EEF1AKMT2: variants seen among roughly 807,000 people sequenced by gnomAD.
EEF1AKMT2 encodes the protein EEF1A lysine methyltransferase 2, also known as eukaryotic translation elongation factor 1 alpha lysine methyltransferase 2.
In EEF1AKMT2, 32 loss-of-function variants were observed where a neutral mutation model predicts 35.8. The observed-to-expected ratio is 0.89, with a 90% CI of 0.67 to 1.20. The LOEUF is 1.20. EEF1AKMT2 is among the 50% of genes most tolerant of loss of function. EEF1AKMT2 has a pLI of 0.00. For synonymous variants in EEF1AKMT2, 121 were observed against 133.7 expected (o/e 0.91, Z 0.65); for missense variants, 330 against 347.5 (o/e 0.95, Z 0.40).
chr10:124,760,587 A>G, intron 6 of EEF1AKMT2, 84 bp from the exon 7 acceptor site: 1 of 994,016 alleles, frequency 1.0e-6, no homozygotes, highest in Non-Finnish European at 1.5e-6. Flanking sequence ...ACACTGTACC[A>G]TTGAACCCTT....
In EEF1AKMT2 at chr10:124,789,135, G is replaced by C. The variant is rs1467188684; in HGVS notation, c.199C>G (p.Arg67Gly). ...EIWFGEESMN[R>G]LIRWMQKHKI... ...TGTTTCTGCATCCACCTTATTAGTC[G>C]ATTCATACTCTCTTCTCCAAACCTG... Residue 67 changes from arginine (R) to glycine (G), a missense_variant, in exon 3 of 7, where the codon CGA (arginine) becomes GGA (glycine). By Grantham distance (125) the Arg-to-Gly change is moderately radical. Coordinates refer to ENST00000368836, the MANE Select transcript of EEF1AKMT2 (RefSeq NM_212554.4). 1 of 1,612,520 alleles carries C rather than the reference G, an allele frequency of 6.2e-7. No homozygotes were observed. Among genetic ancestry groups the C allele is most frequent in the African/African-American group, 1.3e-5 (1 of 74,970 alleles).
At chr10:124,781,671 C>T (rs1208347360) in intron 3 of EEF1AKMT2, among the ~76,000 whole-genome samples, 1 of 138,966 alleles carries the variant, frequency 7.2e-6, no homozygotes, top group Non-Finnish European at 1.6e-5. Flanking sequence ...AAGCTATTCT[C>T]AGGTAAAGGA....
chr10:124,781,407 C>T (rs967397979), intron 3 of EEF1AKMT2, among the ~76,000 whole-genome samples: 6 of 151,228 alleles, frequency 4.0e-5, no homozygotes, highest in African/African-American at 1.2e-4. Flanking sequence ...GGTGAAACCC[C>T]ATCTCTACTA....
intron 3 of EEF1AKMT2, among the ~76,000 whole-genome samples, chr10:124,784,925 C>A: frequency 8.4e-6 from 1 of 119,510 alleles, no homozygotes; most frequent in Admixed American, 9.6e-5. Context: ...AGCAAGATTC[C>A]ATCTTAAAAA....
At position 124,790,325 on chromosome 10, in the gene EEF1AKMT2, A is replaced by G. The variant is rs1309391128; in HGVS notation, c.124T>C (p.Tyr42His). 2.5e-6 allele frequency: 4 copies of G among 1,610,966 alleles called. No homozygotes were observed. The South Asian group carries it at 3.3e-5, about 13-fold the overall frequency. Residue 42 changes from tyrosine (Y) to histidine (H), a missense_variant, in exon 2 of 7, where the codon TAT becomes CAT. Tyr to His is a moderately conservative substitution (Grantham distance 83). Coordinates refer to ENST00000368836, the MANE Select transcript of EEF1AKMT2 (RefSeq NM_212554.4). ...CGGAAAGTTTGCAGTTCTCTCTCAT[A>G]GACAGCATCCCAACTATGTAAACAA... The part of the protein sequence containing the change: ...LGTREHWDAV[Y>H]ERELQTFREY...
At chr10:124,781,016 G>A in intron 3 of EEF1AKMT2, among the ~76,000 whole-genome samples, 1 of 151,860 alleles carries the variant, frequency 6.6e-6, no homozygotes, top group East Asian at 2.0e-4. Context: ...CGCGATCTTG[G>A]CTCACTGCAA....
At chr10:124,789,201 A>G in intron 2 of EEF1AKMT2, 44 bp from the exon 3 acceptor site, 1 of 1,283,426 alleles carries the variant, frequency 7.8e-7, no homozygotes, top group East Asian at 2.3e-5. Flanking sequence ...TACAGAGCAA[A>G]AGTCACCACT....
chr10:124,774,374 CAAAAAAAAAAAAAAAA>C lies in EEF1AKMT2; in HGVS notation c.399+285_399+300del, dbSNP rs57130146. ...TGGGCAACTGAGCGAGACTCAGTCT[CAAAAAAAAAAAAAAAA>C]AAAAAAAAAAAAAAAAAAAACCCTT... is the stretch of plus-strand genomic sequence containing the variant. On this transcript the variant is annotated intron_variant, in intron 4 of 6. Coordinates refer to ENST00000368836, the MANE Select transcript of EEF1AKMT2 (RefSeq NM_212554.4). Among the ~76,000 whole-genome samples the C allele has an allele frequency of 6.4e-4, 14 of 21,710 alleles. No individual in the cohort carries two copies. The South Asian group carries it at 0.018, about 28-fold the overall frequency. 14.2% of individuals were successfully genotyped at this position (21,710 alleles called of 152,430 possible). A position where few individuals can be genotyped will look rare whatever the true frequency, so the allele number is the denominator to read the frequency against.
At position 124,774,767 on chromosome 10, in the gene EEF1AKMT2, A is replaced by G; in HGVS notation, c.307T>C (p.Ser103Pro). ...GAGTAATCAATTCCAGTAATATTAG[A>G]GAAACCAAATTTTGCCTAGAGAGAA... ...FLVELAKFGF[S>P]NITGIDYSPS... Residue 103 changes from serine (S) to proline (P), a missense_variant, in exon 4 of 7, where the codon TCT becomes CCT. By Grantham distance (74) the Ser-to-Pro change is moderately conservative. Transcript: ENST00000368836. 4.1e-6 allele frequency: 6 copies of G among 1,463,702 alleles called. No individual in the cohort carries two copies. Among genetic ancestry groups the G allele is most frequent in the Non-Finnish European group, 5.4e-6 (6 of 1,109,026 alleles). The allele number at this position is 1,463,702 out of a possible 1,614,324, so 90.7% of individuals were successfully genotyped here.
Position 124,768,173 on chromosome 10 carries a change from C to T in EEF1AKMT2, c.400-2565G>A, listed in dbSNP as rs899801456. ...GGAACAGAAGAAAAGCCAATGTGAC[C>T]GAGTATTGATGATAAACGAGGAAGA... On this transcript the variant is annotated intron_variant, in intron 4 of 6. Coordinates refer to ENST00000368836, the MANE Select transcript of EEF1AKMT2 (RefSeq NM_212554.4). Among the ~76,000 whole-genome samples, 13 of 152,122 alleles carry T rather than the reference C, an allele frequency of 8.5e-5. No homozygotes were observed. The East Asian group carries it at 1.5e-3, about 18-fold the overall frequency.
rs987771365 is a variant in EEF1AKMT2 at position 124,759,006 on chromosome 10, A to AC, written c.*1496dup. ...AAATGAAAAACTCACTCCTCTGGCT[A>AC]CCCCTCCCCAAAAAGAAAAGGGACG... On this transcript the variant is annotated 3_prime_UTR_variant, in exon 7 of 7. Coordinates refer to ENST00000368836, the MANE Select transcript of EEF1AKMT2 (RefSeq NM_212554.4). The AC allele has an allele frequency of 1.4e-4, 21 of 152,166 alleles. No individual in the cohort carries two copies. The highest frequency in any genetic ancestry group is 1.4e-3 in the Admixed American group (21 of 15,264). 9.4% of individuals were successfully genotyped at this position (152,166 alleles called of 1,614,324 possible). A position where few individuals can be genotyped will look rare whatever the true frequency, so the allele number is the denominator to read the frequency against.
At chr10:124,756,722 C>T (rs1259205254), downstream of EEF1AKMT2, among the ~76,000 whole-genome samples, 1 of 152,116 alleles carries the variant, frequency 6.6e-6, no homozygotes, top group African/African-American at 2.4e-5. Flanking sequence ...GCTTCTTACC[C>T]GTCGCTTTTC....
At chr10:124,788,579 A>G (rs1950606897) in intron 3 of EEF1AKMT2, among the ~76,000 whole-genome samples, 1 of 151,810 alleles carries the variant, frequency 6.6e-6, no homozygotes, top group Non-Finnish European at 1.5e-5. Context: ...CAGGCATACA[A>G]CAGTGATGGT....
At chr10:124,788,688 C>A (rs1052936314) in intron 3 of EEF1AKMT2, among the ~76,000 whole-genome samples, 9 of 74,098 alleles carry the variant, frequency 1.2e-4, no homozygotes, top group African/African-American at 3.7e-4. Context: ...GTATGTCCTA[C>A]TGGAATTGCA....
At chr10:124,776,074 C>A (rs537978328) in intron 3 of EEF1AKMT2, among the ~76,000 whole-genome samples, 1 of 152,100 alleles carries the variant, frequency 6.6e-6, no homozygotes, top group Non-Finnish European at 1.5e-5. Context: ...CCCGCCACCA[C>A]GCCCAGCTAA....
rs1950339760 is a variant in EEF1AKMT2, at chr10:124,762,377, G to A, written c.798C>T (p.Leu266=). 1.6e-6 allele frequency: 2 copies of A among 1,275,026 alleles called. No homozygotes were observed. The highest frequency in any genetic ancestry group is 2.2e-4 in the Middle Eastern group (1 of 4,464). The allele number at this position is 1,275,026 out of a possible 1,614,324, so 79.0% of individuals were successfully genotyped here. ...FCHVVQAGLE[L]LGSSDSPTWP... ...AGGTGGGAGAATCACTTGAGCCCAG[G>A]AGTTCCAGACCAGCCTGGACAACAT... The change falls in exon 6 of 7, where the codon CTC becomes CTT. Residue 266 remains leucine (L), a synonymous_variant. Transcript: ENST00000368836.
At chr10:124,768,817 G>A (rs1024486574) in intron 4 of EEF1AKMT2, among the ~76,000 whole-genome samples, 1 of 152,022 alleles carries the variant, frequency 6.6e-6, no homozygotes, top group Non-Finnish European at 1.5e-5. Context: ...AGCATGAGTG[G>A]AAATGGAGGG....
rs1554918000 is a variant in EEF1AKMT2, at chr10:124,774,406, A to AAAAAAAAAAAG, written c.399+268_399+269insCTTTTTTTTTT. 8.2e-5 allele frequency among the ~76,000 whole-genome samples: 4 copies of AAAAAAAAAAAG among 48,506 alleles called. 1 individual carries two copies. Among genetic ancestry groups the AAAAAAAAAAAG allele is most frequent in the African/African-American group, 1.2e-4 (2 of 16,492 alleles). The allele number at this position is 48,506 out of a possible 152,430, so 31.8% of individuals were successfully genotyped here. The stretch of plus-strand genomic sequence containing the variant: ...AAAAAAAAAAAAAAAAAAAAAAAAA[A>AAAAAAAAAAAG]AAAACCCTTTTGATCTGGTTAATCC... On this transcript the variant is annotated intron_variant, in intron 4 of 6. Transcript: ENST00000368836.
chr10:124,791,641 C>A, intron 1 of EEF1AKMT2, 83 bp downstream of exon 1: 2 of 1,528,146 alleles, frequency 1.3e-6, no homozygotes, highest in Non-Finnish European at 1.8e-6. Flanking sequence ...TCCCTGAGCC[C>A]CGGGTCTCCA....
Sources: gnomAD v4.1 joint callset for allele counts (sites outside exome capture counted in the v4.1 genomes callset) on GRCh38, gnomAD v4.1.1 for gene constraint, MANE v1.5 for transcripts, NCBI Gene and HGNC (gene_info 2026-07-23, HGNC 2026-07-21) for gene names.